The following BBS9 variants were observed in gnomAD, a reference collection of about 807,000 sequenced individuals.
The protein encoded by BBS9 is protein PTHB1.
A neutral mutation model predicts 117.7 loss-of-function variants in BBS9; 89 were observed. The ratio of observed to expected loss-of-function variants is 0.76; its 90% CI spans 0.64 to 0.90. The LOEUF (loss-of-function observed/expected upper bound fraction) is 0.90, where lower values mean the gene tolerates loss of function less well. BBS9 is among the 40% of genes least tolerant of loss of function. The probability of loss-of-function intolerance (pLI) is 0.00; values close to 1 mark genes in which losing one functional copy is unlikely to be tolerated. For missense variants in BBS9, 982 were observed against 1,042.2 expected, an observed-to-expected ratio of 0.94 and a Z score of 0.80; for synonymous variants, 379 against 370.9, an observed-to-expected ratio of 1.02 and a Z score of -0.25.
chr7:33,421,693 A>G (rs1177885885), intron 19 of BBS9, among the ~76,000 whole-genome samples: 1 of 152,186 alleles, frequency 6.6e-6, no homozygotes, highest in Admixed American at 6.5e-5. Flanking sequence ...GGAAACAAAC[A>G]GTAGAGATCT....
chr7:33,305,569 C>T (rs1488276977), intron 9 of BBS9, among the ~76,000 whole-genome samples: 2 of 152,102 alleles, frequency 1.3e-5, no homozygotes. Context: ...CTTTTTATTA[C>T]AGCTTTCATC....
intron 9 of BBS9, among the ~76,000 whole-genome samples, chr7:33,302,297 C>G (rs186309084): frequency 1.3e-4 from 20 of 152,182 alleles, no homozygotes; most frequent in Admixed American, 1.2e-3. Context: ...TCCCATTTGT[C>G]TATTTCTGTT....
intron 1 of BBS9, among the ~76,000 whole-genome samples, chr7:33,139,742 C>G (rs1180691334): frequency 1.4e-5 from 2 of 147,046 alleles, no homozygotes; most frequent in African/African-American, 4.8e-5. Flanking sequence ...TTCTTACTTT[C>G]TTATTTTCTC....
At chr7:33,368,852 G>A (rs1822321109) in intron 17 of BBS9, among the ~76,000 whole-genome samples, 1 of 152,002 alleles carries the variant, frequency 6.6e-6, no homozygotes, top group Non-Finnish European at 1.5e-5. Flanking sequence ...AATCATAATA[G>A]TTTCTGGAAT....
chr7:33,367,623 A>G (rs928832841), intron 16 of BBS9, 144 bp from the exon 17 acceptor site: 1 of 711,988 alleles, frequency 1.4e-6, no homozygotes, highest in African/African-American at 1.8e-5. Context: ...ATGGAAATCA[A>G]GGTGAATATA....
At chr7:33,548,923 C>G (rs1235273913) in intron 21 of BBS9, among the ~76,000 whole-genome samples, 1 of 151,154 alleles carries the variant, frequency 6.6e-6, no homozygotes, top group Non-Finnish European at 1.5e-5. Flanking sequence ...TTGGAAAAAA[C>G]TACTTTAAAG....
At chr7:33,515,596 G>A (rs1035845990) in intron 20 of BBS9, among the ~76,000 whole-genome samples, 1 of 152,160 alleles carries the variant, frequency 6.6e-6, no homozygotes. Flanking sequence ...AGAAATTTTA[G>A]GCAAATTGAT....
intron 17 of BBS9, among the ~76,000 whole-genome samples, chr7:33,368,592 A>G (rs1012531945): frequency 4.1e-4 from 61 of 149,660 alleles, no homozygotes; most frequent in African/African-American, 1.3e-3. Flanking sequence ...ACACACACAC[A>G]CACACACACA....
At position 33,367,910 on chromosome 7, in the gene BBS9, T is replaced by C. The variant is rs376996557; in HGVS notation, c.1789+48T>C. The C allele has an allele frequency of 4.9e-6, 7 of 1,435,636 alleles. No homozygotes were observed. In the African/African-American group the frequency reaches 9.8e-5, roughly 20 times the overall value. The allele number at this position is 1,435,636 out of a possible 1,614,324, so 88.9% of individuals were successfully genotyped here. On this transcript the variant is annotated intron_variant, in intron 17 of 22. Transcript: ENST00000242067. ...TGCTTTTTAAATTTTTTTCTAAGGATACCACATCACAGAGGATACTCACAT... is the reference window on the plus strand; with the variant it reads ...TGCTTTTTAAATTTTTTTCTAAGGACACCACATCACAGAGGATACTCACAT...
At chr7:33,149,280 A>T (rs1163201324) in intron 2 of BBS9, among the ~76,000 whole-genome samples, 2 of 152,196 alleles carry the variant, frequency 1.3e-5, no homozygotes, top group Admixed American at 6.5e-5. Context: ...GTGCCAGAGG[A>T]AAGAAGGTAA....
At chr7:33,615,736 G>A (rs571860130) in intron 21 of BBS9, among the ~76,000 whole-genome samples, 2 of 152,090 alleles carry the variant, frequency 1.3e-5, no homozygotes, top group South Asian at 4.2e-4. Context: ...ATCAAAGTGG[G>A]TAAATACTAA....
chr7:33,553,130 C>T (rs916217560), intron 21 of BBS9, among the ~76,000 whole-genome samples: 2 of 152,202 alleles, frequency 1.3e-5, no homozygotes, highest in African/African-American at 4.8e-5. Flanking sequence ...ATTCTCAGAT[C>T]TCAACTTAAA....
At chr7:33,224,087 T>C (rs79299347) in intron 5 of BBS9, among the ~76,000 whole-genome samples, 1,763 of 152,320 alleles carry the variant, frequency 0.012, 32 homozygotes, top group African/African-American at 0.041. Context: ...TAGTCAGATT[T>C]GTATTTTTAA....
intron 7 of BBS9, among the ~76,000 whole-genome samples, chr7:33,267,097 T>C (rs1023434079): frequency 1.3e-5 from 2 of 152,154 alleles, no homozygotes; most frequent in African/African-American, 4.8e-5. Context: ...AATTCTGTTA[T>C]TAGGTACATA....
intron 6 of BBS9, 101 bp downstream of exon 6, chr7:33,257,511 A>C: frequency 9.5e-7 from 1 of 1,055,426 alleles, no homozygotes; most frequent in Non-Finnish European, 1.5e-6. Context: ...AATGAAAAAG[A>C]GATCGGTTTC....
intron 19 of BBS9, among the ~76,000 whole-genome samples, chr7:33,470,907 G>A (rs1056516641): frequency 2.0e-5 from 3 of 151,942 alleles, no homozygotes; most frequent in Non-Finnish European, 2.9e-5. Context: ...TTCAAAAGAT[G>A]GGAGGGATAG....
intron 9 of BBS9, among the ~76,000 whole-genome samples, chr7:33,313,904 A>G (rs192625881): frequency 1.2e-4 from 19 of 152,324 alleles, no homozygotes; most frequent in Admixed American, 3.9e-4. Flanking sequence ...AGAGCAAAAC[A>G]TACCTCAGTA....
At chr7:33,300,433 C>T (rs947099233) in intron 9 of BBS9, among the ~76,000 whole-genome samples, 9 of 152,134 alleles carry the variant, frequency 5.9e-5, no homozygotes, top group African/African-American at 1.7e-4. Context: ...GTCAAAGCAT[C>T]GGTGAGCCAG....
At chr7:33,533,649 T>C in intron 20 of BBS9, 1 of 414,222 alleles carries the variant, frequency 2.4e-6, no homozygotes, top group Non-Finnish European at 4.5e-6. Context: ...TTGTTACTCA[T>C]TACTCTATGC....
Sources: gnomAD v4.1 joint callset for allele counts (sites outside exome capture counted in the v4.1 genomes callset) on GRCh38, gnomAD v4.1.1 for gene constraint, MANE v1.5 for transcripts, NCBI Gene and HGNC (gene_info 2026-07-23, HGNC 2026-07-21) for gene names.